Variants in ZNF141 observed in about 807,000 individuals in gnomAD.
ZNF141 encodes the protein zinc finger protein 141 (clone pHZ-44).
A neutral mutation model predicts 11.3 loss-of-function variants in ZNF141; 7 were observed. That is an observed-to-expected ratio of 0.62 (90% CI 0.35 to 1.16). ZNF141 has a LOEUF of 1.16. Ranked by LOEUF, ZNF141 falls within the 50% of genes most tolerant of loss-of-function variation. The pLI, the probability that ZNF141 is intolerant of heterozygous loss-of-function variation, is 0.02. For synonymous variants in ZNF141, 183 were observed against 190.7 expected (o/e 0.96, Z 0.33); for missense variants, 535 against 554.0 (o/e 0.97, Z 0.34).
intron 3 of ZNF141, among the ~76,000 whole-genome samples, chr4:359,313 G>T (rs927487789): frequency 1.3e-5 from 2 of 152,128 alleles, no homozygotes; most frequent in South Asian, 2.1e-4. Context: ...AAAAAACCCA[G>T]TTAATATCTG....
chr4:350,274 C>T (rs782734658), intron 3 of ZNF141: 11 of 525,888 alleles, frequency 2.1e-5, no homozygotes, highest in Non-Finnish European at 3.9e-6. Flanking sequence ...ATCTCTGGCT[C>T]CACTGAGGTT....
At chr4:367,456 T>C (rs1711801137) in intron 3 of ZNF141, among the ~76,000 whole-genome samples, 1 of 152,158 alleles carries the variant, frequency 6.6e-6, no homozygotes, top group Non-Finnish European at 1.5e-5. Flanking sequence ...AAAACTGTCA[T>C]ATGTCTGTAT....
intron 3 of ZNF141, among the ~76,000 whole-genome samples, chr4:369,758 A>ATTTTTTTTTT (rs1560196787): frequency 8.6e-5 from 3 of 34,784 alleles, no homozygotes; most frequent in African/African-American, 5.6e-4. Context: ...ATATATATAT[A>ATTTTTTTTTT]TATATATTTT....
At chr4:359,270 A>G (rs1406872315) in intron 3 of ZNF141, among the ~76,000 whole-genome samples, 1 of 152,154 alleles carries the variant, frequency 6.6e-6, no homozygotes, top group Non-Finnish European at 1.5e-5. Context: ...ACTTTCTTTA[A>G]GATCTTGATC....
Position 373,313 on chromosome 4 carries a change from T to C in ZNF141, c.876T>C (p.Phe292=). The part of the protein sequence containing the change: ...PITCEECRKI[F]TSSSNFAKHK... ...CATGTGAAGAATGTAGGAAAATCTT[T>C]ACCTCATCCTCAAACTTTGCCAAAC... Residue 292 remains phenylalanine (F), a synonymous_variant, in exon 4 of 4, where the codon TTT becomes TTC. Coordinates refer to ENST00000240499, the MANE Select transcript of ZNF141 (RefSeq NM_003441.4). 1 of 1,613,964 alleles carries C rather than the reference T, an allele frequency of 6.2e-7. No homozygotes were observed. The highest frequency in any genetic ancestry group is 1.1e-5 in the South Asian group (1 of 91,058).
rs868954205 is a variant in ZNF141, at chr4:366,399, C to T, written c.227-6265C>T. Among the ~76,000 whole-genome samples, 10 of 152,350 alleles carry T rather than the reference C, an allele frequency of 6.6e-5. No individual in the cohort carries two copies. The South Asian group carries it at 1.4e-3, about 22-fold the overall frequency. On this transcript the variant is annotated intron_variant, in intron 3 of 3. Transcript: ENST00000240499. ...TATCAGTGCACCACAACCTCTGCCT[C>T]CTGGGTTCAAATGATTCTCCTGTCT...
At chr4:344,818 A>T (rs1721243112) in intron 3 of ZNF141, among the ~76,000 whole-genome samples, 2 of 152,056 alleles carry the variant, frequency 1.3e-5, no homozygotes, top group East Asian at 3.8e-4. Context: ...ATAAAAAATA[A>T]ACCAGGTAGT....
intron 3 of ZNF141, among the ~76,000 whole-genome samples, chr4:352,727 C>G (rs1553850652): frequency 6.6e-6 from 1 of 152,180 alleles, no homozygotes; most frequent in East Asian, 1.9e-4. Context: ...CCCCCACTTT[C>G]CTTTGTCCTA....
intron 1 of ZNF141, chr4:342,974 A>T: frequency 7.1e-7 from 1 of 1,410,200 alleles, no homozygotes; most frequent in Non-Finnish European, 1.0e-6. Context: ...TTATTTTTTA[A>T]AATCAGTTCC....
intron 3 of ZNF141, among the ~76,000 whole-genome samples, chr4:361,624 G>A (rs1553852195): frequency 2.0e-5 from 3 of 152,004 alleles, no homozygotes; most frequent in Admixed American, 6.6e-5. Context: ...GAGAACATGC[G>A]GTGTTTGGTT....
chr4:355,573 T>C (rs1288499879), intron 3 of ZNF141, among the ~76,000 whole-genome samples: 2 of 152,184 alleles, frequency 1.3e-5, no homozygotes, highest in Non-Finnish European at 2.9e-5. Flanking sequence ...ACTTTTTAAG[T>C]TATTATTGGC....
chr4:344,483 GA>G (rs1721223654), intron 3 of ZNF141, 53 bp downstream of exon 3: 2 of 1,516,784 alleles, frequency 1.3e-6, no homozygotes, highest in Non-Finnish European at 1.8e-6. Context: ...CAAAGGTCAA[GA>G]AGGAAGCCAG....
In ZNF141 at chr4:380,489, T is replaced by G. The variant is rs1361734213; in HGVS notation, c.*6627T>G. Reference sequence around the variant, plus strand: ...CAACATGGTGAAACCCCGTCTCTACTACAAATATAAAAATTAGCTGGGTGT... The same window carrying G: ...CAACATGGTGAAACCCCGTCTCTACGACAAATATAAAAATTAGCTGGGTGT... On this transcript the variant is annotated 3_prime_UTR_variant, in exon 4 of 4. Coordinates refer to ENST00000240499, the MANE Select transcript of ZNF141 (RefSeq NM_003441.4). Among the ~76,000 whole-genome samples the G allele has an allele frequency of 2.0e-5, 3 of 151,908 alleles. No individual in the cohort carries two copies. The highest frequency in any genetic ancestry group is 2.9e-5 in the Non-Finnish European group (2 of 68,006).
chr4:375,988 T>A lies in ZNF141; in HGVS notation c.*2126T>A, dbSNP rs377525778. On this transcript the variant is annotated 3_prime_UTR_variant, in exon 4 of 4. Transcript: ENST00000240499. ...TCTTCTGCATTATAGTGAGAGAAAATCTGTTTTAGTAGTAAATTGTTTTAC... is the reference window on the plus strand; with the variant it reads ...TCTTCTGCATTATAGTGAGAGAAAAACTGTTTTAGTAGTAAATTGTTTTAC... 5.3e-5 allele frequency among the ~76,000 whole-genome samples: 8 copies of A among 152,008 alleles called. No individual in the cohort carries two copies. The East Asian group carries it at 7.7e-4, about 15-fold the overall frequency.
In ZNF141 at chr4:372,920, C is replaced by G; in HGVS notation, c.483C>G (p.Asn161Lys). 6.2e-7 allele frequency: 1 copy of G among 1,613,802 alleles called. No individual in the cohort carries two copies. Among genetic ancestry groups the G allele is most frequent in the Non-Finnish European group, 8.5e-7 (1 of 1,179,846 alleles). The part of the protein sequence containing the change: ...VKVVSKFSNS[N>K]KRKTRHTGEK... ...TTGTTAGTAAATTTTCAAATTCAAA[C>G]AAACGTAAGACAAGACATACTGGAG... Residue 161 changes from asparagine to lysine, a missense_variant, in exon 4 of 4, where the codon AAC becomes AAG. Coordinates refer to ENST00000240499, the MANE Select transcript of ZNF141 (RefSeq NM_003441.4).
At chr4:357,301 T>C (rs1721886934) in intron 3 of ZNF141, among the ~76,000 whole-genome samples, 1 of 152,066 alleles carries the variant, frequency 6.6e-6, no homozygotes, top group Non-Finnish European at 1.5e-5. Context: ...CTTTATTTTA[T>C]TTATGTATTT....
chr4:348,576 G>A (rs1007485773), intron 3 of ZNF141, among the ~76,000 whole-genome samples: 1 of 151,974 alleles, frequency 6.6e-6, no homozygotes, highest in East Asian at 1.9e-4. Context: ...CTAGCTAGGG[G>A]TGGTAGTGGG....
intron 3 of ZNF141, among the ~76,000 whole-genome samples, chr4:355,700 T>C (rs573985855): frequency 1.3e-5 from 2 of 152,314 alleles, no homozygotes; most frequent in East Asian, 3.9e-4. Flanking sequence ...ATTCTGTGAA[T>C]GTTTTAGATT....
chr4:364,624 C>G (rs142465768), intron 3 of ZNF141, among the ~76,000 whole-genome samples: 2 of 152,102 alleles, frequency 1.3e-5, no homozygotes, highest in Non-Finnish European at 2.9e-5. Context: ...AGAGTCCACT[C>G]CAGACTCTCT....
Sources: allele counts gnomAD v4.1 joint callset (sites outside exome capture counted in the v4.1 genomes callset), GRCh38; gene constraint gnomAD v4.1.1; transcripts MANE v1.5; gene names NCBI Gene and HGNC (gene_info 2026-07-23, HGNC 2026-07-21).